Variants in BTG4 observed in about 807,000 individuals in gnomAD.
The protein encoded by BTG4 is protein BTG4.
A neutral mutation model predicts 19.3 loss-of-function variants in BTG4; 10 were observed. The observed-to-expected ratio is 0.52, with a 90% CI of 0.32 to 0.88. The LOEUF is 0.88. Ranked by LOEUF, BTG4 falls within the 40% of genes least tolerant of loss-of-function variation. BTG4 has a pLI of 0.04. For missense variants in BTG4, 238 were observed against 281.9 expected (o/e 0.84, Z 1.11); for synonymous variants, 91 against 95.7 (o/e 0.95, Z 0.29).
chr11:111,453,191 G>A, the BTG4 span, among the ~76,000 whole-genome samples: 3 of 152,238 alleles, frequency 2.0e-5, no homozygotes, highest in East Asian at 5.8e-4. Context: ...GAGAAAACCT[G>A]GTCCAACTTT....
chr11:111,442,866 G>A, the BTG4 span, among the ~76,000 whole-genome samples: 5 of 152,182 alleles, frequency 3.3e-5, no homozygotes, highest in East Asian at 1.9e-4. Context: ...ATTAACTTAC[G>A]TTAATTTCAA....
At chr11:111,411,478 T>C in the BTG4 span, among the ~76,000 whole-genome samples, 1 of 152,208 alleles carries the variant, frequency 6.6e-6, no homozygotes, top group Admixed American at 6.5e-5. Context: ...GGCCATCCTA[T>C]TGGAAATAGC....
the BTG4 span, among the ~76,000 whole-genome samples, chr11:111,403,629 G>A: frequency 3.3e-5 from 5 of 152,140 alleles, no homozygotes; most frequent in Non-Finnish European, 7.3e-5. Flanking sequence ...CTTGCCCCCT[G>A]CAAACTTGAA....
downstream of BTG4, among the ~76,000 whole-genome samples, chr11:111,464,963 A>T (rs1863634276): frequency 1.3e-5 from 2 of 152,196 alleles, no homozygotes; most frequent in Non-Finnish European, 2.9e-5. Flanking sequence ...ACTTCACCCC[A>T]TACCAGCCAG....
the BTG4 span, among the ~76,000 whole-genome samples, chr11:111,428,095 G>A: frequency 1.3e-5 from 2 of 152,290 alleles, no homozygotes; most frequent in East Asian, 3.9e-4. Flanking sequence ...CAAGAGCTAG[G>A]ATAAATGGTC....
chr11:111,445,958 C>T, the BTG4 span, among the ~76,000 whole-genome samples: 1 of 152,210 alleles, frequency 6.6e-6, no homozygotes, highest in African/African-American at 2.4e-5. Context: ...CTCCTTGTCC[C>T]ACTCACCAGG....
the BTG4 span, among the ~76,000 whole-genome samples, chr11:111,389,958 G>A: frequency 2.6e-5 from 4 of 152,160 alleles, no homozygotes; most frequent in South Asian, 2.1e-4. Flanking sequence ...ATCATATAGC[G>A]AGGAACTGTT....
At chr11:111,513,315 T>C, upstream of BTG4, 3 of 490,500 alleles carry the variant, frequency 6.1e-6, no homozygotes, top group South Asian at 4.5e-5. Flanking sequence ...ACTGTGTCTA[T>C]TTGCCATCGT....
chr11:111,412,155 G>C, the BTG4 span, among the ~76,000 whole-genome samples: 2 of 152,218 alleles, frequency 1.3e-5, no homozygotes, highest in Non-Finnish European at 2.9e-5. Context: ...GGGTAGAAAA[G>C]AAGTGAGCAG....
At chr11:111,459,044 C>T in the BTG4 span, among the ~76,000 whole-genome samples, 1 of 152,066 alleles carries the variant, frequency 6.6e-6, no homozygotes, top group Non-Finnish European at 1.5e-5. Context: ...GAGTTCGAGA[C>T]CAGCTTGATC....
the BTG4 span, chr11:111,397,798 A>C: frequency 6.6e-6 from 1 of 152,250 alleles, no homozygotes; most frequent in African/African-American, 2.4e-5. Context: ...ACCACATTTC[A>C]GCAGAACGTT....
chr11:111,511,725 G>A (rs1866934441), intron 1 of BTG4, among the ~76,000 whole-genome samples: 1 of 152,160 alleles, frequency 6.6e-6, no homozygotes. Flanking sequence ...TTGCCCAACT[G>A]TCACAAGATA....
intron 1 of BTG4, among the ~76,000 whole-genome samples, chr11:111,500,677 C>A (rs1333942513): frequency 2.2e-5 from 2 of 90,514 alleles, no homozygotes; most frequent in Non-Finnish European, 5.0e-5. Flanking sequence ...GTGAGTAATC[C>A]TCTTTTTTTT....
At chr11:111,477,158 A>G (rs1864442328) in intron 5 of BTG4, among the ~76,000 whole-genome samples, 1 of 152,120 alleles carries the variant, frequency 6.6e-6, no homozygotes, top group Non-Finnish European at 1.5e-5. Flanking sequence ...TCTTATTTCC[A>G]TTAATACACT....
At chr11:111,394,804 T>C in the BTG4 span, among the ~76,000 whole-genome samples, 5 of 152,170 alleles carry the variant, frequency 3.3e-5, no homozygotes, top group Non-Finnish European at 5.9e-5. Context: ...CATCATCTGG[T>C]GATAAAAACG....
the BTG4 span, among the ~76,000 whole-genome samples, chr11:111,426,285 T>G: frequency 6.7e-6 from 1 of 150,176 alleles, no homozygotes; most frequent in African/African-American, 2.5e-5. Flanking sequence ...GAAAAAAAAA[T>G]GGAAAGGAGG....
At chr11:111,423,005 G>A in the BTG4 span, among the ~76,000 whole-genome samples, 1 of 152,184 alleles carries the variant, frequency 6.6e-6, no homozygotes, top group East Asian at 1.9e-4. Flanking sequence ...CCATGCACTG[G>A]ACACAGTGCA....
At position 111,485,498 on chromosome 11, in the gene BTG4, T is replaced by A. The variant is rs1323047971; in HGVS notation, c.662+9665A>T. Among the ~76,000 whole-genome samples the A allele has an allele frequency of 1.6e-4, 25 of 152,278 alleles. No homozygotes were observed. The East Asian group carries it at 4.6e-3, about 28-fold the overall frequency. The stretch of plus-strand genomic sequence containing the variant: ...ACATGGAAATTTTAAAATATGCTCC[T>A]AACCGACCATGAGGTCAATGAAGAA... On this transcript the variant is annotated intron_variant, in intron 5 of 5. Coordinates refer to the BTG4 transcript ENST00000356018.
intron 1 of BTG4, among the ~76,000 whole-genome samples, chr11:111,501,792 C>G (rs1466330436): frequency 6.6e-6 from 1 of 152,110 alleles, no homozygotes; most frequent in Non-Finnish European, 1.5e-5. Context: ...GTACATACAA[C>G]TATTATATAT....
Sources: allele counts gnomAD v4.1 joint callset (sites outside exome capture counted in the v4.1 genomes callset), GRCh38; gene constraint gnomAD v4.1.1; transcripts MANE v1.5; gene names NCBI Gene and HGNC (gene_info 2026-07-23, HGNC 2026-07-21).